PTPRO: variants seen among roughly 807,000 people sequenced by gnomAD.
The protein encoded by PTPRO is protein tyrosine phosphatase receptor type O.
A neutral mutation model predicts 145.2 loss-of-function variants in PTPRO; 62 were observed. The observed-to-expected ratio is 0.43, with a 90% CI of 0.35 to 0.53. PTPRO has a LOEUF of 0.53. Ranked by LOEUF, PTPRO falls within the 20% of genes least tolerant of loss-of-function variation. The pLI is 0.01. For synonymous variants in PTPRO, 565 were observed against 514.7 expected (o/e 1.10, Z -1.32); for missense variants, 1,345 against 1,482.7 (o/e 0.91, Z 1.53).
intron 7 of PTPRO, among the ~76,000 whole-genome samples, chr12:15,509,649 T>C (rs1942396760): frequency 1.1e-5 from 1 of 92,766 alleles, no homozygotes; most frequent in Admixed American, 1.3e-4. Flanking sequence ...GTGAGCCCAC[T>C]GTACTCCAGC....
At chr12:15,546,914 G>A (rs1184661571) in intron 13 of PTPRO, among the ~76,000 whole-genome samples, 1 of 152,126 alleles carries the variant, frequency 6.6e-6, no homozygotes, top group South Asian at 2.1e-4. Context: ...TGTATCACTT[G>A]TTCCTAATTC....
chr12:15,471,100 T>A (rs1360485805), intron 1 of PTPRO, among the ~76,000 whole-genome samples: 3 of 152,090 alleles, frequency 2.0e-5, no homozygotes, highest in Non-Finnish European at 4.4e-5. Flanking sequence ...AAGAGATGAG[T>A]TTTCTTCATT....
At chr12:15,473,851 A>G (rs1289091357) in intron 1 of PTPRO, among the ~76,000 whole-genome samples, 2 of 150,920 alleles carry the variant, frequency 1.3e-5, no homozygotes, top group Admixed American at 6.6e-5. Context: ...ACTAGTATTT[A>G]TTGAGTTCAT....
At chr12:15,393,628 A>G in intron 1 of PTPRO, among the ~76,000 whole-genome samples, 1 of 142,018 alleles carries the variant, frequency 7.0e-6, no homozygotes, top group South Asian at 2.2e-4. Context: ...GTACACTAGG[A>G]TTTTTTTTTT....
intron 21 of PTPRO, 54 bp from the exon 22 acceptor site, chr12:15,580,643 C>T (rs566056601): frequency 3.1e-6 from 5 of 1,611,314 alleles, no homozygotes; most frequent in Non-Finnish European, 4.2e-6. Flanking sequence ...CGTGAAGCAG[C>T]ATTTGGTGTT....
intron 1 of PTPRO, among the ~76,000 whole-genome samples, chr12:15,475,134 T>C (rs1055389219): frequency 1.1e-4 from 17 of 152,252 alleles, no homozygotes; most frequent in Non-Finnish European, 1.0e-4. Flanking sequence ...GACATGTATT[T>C]CTTAAACACT....
At chr12:15,546,492 T>C in intron 12 of PTPRO, 77 bp from the exon 13 acceptor site, 4 of 1,543,794 alleles carry the variant, frequency 2.6e-6, no homozygotes, top group Non-Finnish European at 3.5e-6. Context: ...TGGGGGATGC[T>C]TCACCTGCTT....
chr12:15,577,900 A>G (rs1944221674), intron 19 of PTPRO, among the ~76,000 whole-genome samples: 1 of 152,222 alleles, frequency 6.6e-6, no homozygotes, highest in African/African-American at 2.4e-5. Context: ...TGTAAGACAC[A>G]TGGCATAGCA....
chr12:15,594,106 T>G (rs757460237), intron 25 of PTPRO, among the ~76,000 whole-genome samples: 1 of 152,172 alleles, frequency 6.6e-6, no homozygotes, highest in Admixed American at 6.5e-5. Flanking sequence ...TATTCTGTCA[T>G]AATTCTAGAA....
At chr12:15,399,256 G>C (rs1939424782) in intron 1 of PTPRO, among the ~76,000 whole-genome samples, 1 of 152,212 alleles carries the variant, frequency 6.6e-6, no homozygotes, top group Non-Finnish European at 1.5e-5. Flanking sequence ...CCCTGCCAAG[G>C]CACTATTCTG....
At chr12:15,493,149 C>A (rs1401596334) in intron 2 of PTPRO, among the ~76,000 whole-genome samples, 2 of 152,088 alleles carry the variant, frequency 1.3e-5, no homozygotes, top group South Asian at 2.1e-4. Flanking sequence ...TGACAGAAGT[C>A]TTCCCTTCTG....
rs1310980929 is a variant in PTPRO at position 15,389,984 on chromosome 12, T to TATAATTATAGAGAAC, written c.75+67187_75+67201dup. On this transcript the variant is annotated intron_variant, in intron 1 of 26. Transcript: ENST00000281171. ...TATATAAAGTTAGTTTATTTGAGAATATAATTATAGAGAACATACATGAGA... is the reference window on the plus strand; with the variant it reads ...TATATAAAGTTAGTTTATTTGAGAATATAATTATAGAGAACATAATTATAGAGAACATACATGAGA... 2.6e-5 allele frequency among the ~76,000 whole-genome samples: 4 copies of TATAATTATAGAGAAC among 152,280 alleles called. No homozygotes were observed. The East Asian group carries it at 7.7e-4, about 29-fold the overall frequency.
At chr12:15,518,281 C>T (rs894437431) in intron 9 of PTPRO, among the ~76,000 whole-genome samples, 5 of 152,188 alleles carry the variant, frequency 3.3e-5, no homozygotes, top group African/African-American at 1.2e-4. Context: ...CCCTTTCACC[C>T]ACAGCTGCAG....
intron 1 of PTPRO, among the ~76,000 whole-genome samples, chr12:15,375,267 A>G (rs562834415): frequency 6.6e-6 from 1 of 152,218 alleles, no homozygotes; most frequent in African/African-American, 2.4e-5. Context: ...TTTTTAAGAG[A>G]AAAATTGTGG....
intron 1 of PTPRO, among the ~76,000 whole-genome samples, chr12:15,377,098 A>G (rs531152018): frequency 1.6e-4 from 24 of 152,320 alleles, no homozygotes; most frequent in African/African-American, 5.8e-4. Context: ...GTAAAGTCTC[A>G]GTATATTATT....
chr12:15,575,016 G>C (rs936777097), intron 19 of PTPRO, among the ~76,000 whole-genome samples: 1 of 152,194 alleles, frequency 6.6e-6, no homozygotes, highest in Non-Finnish European at 1.5e-5. Flanking sequence ...GGTATTTGGA[G>C]ATGGAGCCCT....
intron 8 of PTPRO, 23 bp from the exon 9 acceptor site, chr12:15,516,740 A>AC (rs768842985): frequency 3.2e-6 from 5 of 1,570,546 alleles, no homozygotes; most frequent in Admixed American, 1.7e-5. Flanking sequence ...TTCTTTTTCT[A>AC]CCCCCTGCCC....
intron 1 of PTPRO, among the ~76,000 whole-genome samples, chr12:15,404,747 T>C (rs755556465): frequency 3.9e-5 from 6 of 152,244 alleles, no homozygotes; most frequent in Non-Finnish European, 8.8e-5. Flanking sequence ...CTTTTCACTC[T>C]ATGTGTCAAC....
rs549165573 is a variant in PTPRO, at chr12:15,487,197, G to A, written c.349+2950G>A. On this transcript the variant is annotated intron_variant, in intron 2 of 26. Transcript: ENST00000281171. Reference sequence around the variant, plus strand: ...CCAGCCTCAGGCTTAGGCAGACCCTGTGATGTTAGATGGGACATTCTTGAC... The same window carrying A: ...CCAGCCTCAGGCTTAGGCAGACCCTATGATGTTAGATGGGACATTCTTGAC... 5.3e-5 allele frequency among the ~76,000 whole-genome samples: 8 copies of A among 152,270 alleles called. No homozygotes were observed. The East Asian group carries it at 1.5e-3, about 29-fold the overall frequency.
Sources: gnomAD v4.1 joint callset for allele counts (sites outside exome capture counted in the v4.1 genomes callset) on GRCh38, gnomAD v4.1.1 for gene constraint, MANE v1.5 for transcripts, NCBI Gene and HGNC (gene_info 2026-07-23, HGNC 2026-07-21) for gene names.